NUDT5: variants seen among roughly 807,000 people sequenced by gnomAD.
NUDT5 encodes the protein nudix hydrolase 5, also known as ADP-sugar pyrophosphatase.
NUDT5 carries 21 observed loss-of-function variants against 34.1 expected under a neutral mutation model. That is an observed-to-expected ratio of 0.62 (90% CI 0.44 to 0.89). The LOEUF is 0.89. NUDT5 is among the 40% of genes least tolerant of loss of function. NUDT5 has a pLI of 0.00. For synonymous variants in NUDT5, 85 were observed against 97.6 expected (o/e 0.87, Z 0.76); for missense variants, 249 against 274.8 (o/e 0.91, Z 0.66).
Position 12,169,474 on chromosome 10 carries a change from G to A in NUDT5, c.550+1243C>T. 6.8e-6 allele frequency: 4 copies of A among 590,824 alleles called. No individual in the cohort carries two copies. The highest frequency in any genetic ancestry group is 3.6e-4 in the Middle Eastern group (1 of 2,746). 36.6% of individuals were successfully genotyped at this position (590,824 alleles called of 1,614,324 possible). ...CTGTTTGATGTGATAGCTAATTATG[G>A]TCCGCGGAGCCTCAAACCGAGTCGG... On this transcript the variant is annotated intron_variant, in intron 9 of 9. Coordinates refer to ENST00000491614, the MANE Select transcript of NUDT5 (RefSeq NM_014142.4). This position sits in a 1 kb window ranked among gnomAD's most constrained non-coding sequence, Gnocchi z 4.8.
Position 12,181,344 on chromosome 10 carries a change from T to A in NUDT5, c.132-2212A>T, listed in dbSNP as rs966641255. Reference sequence around the variant, plus strand: ...TGTGGATTTTGGTATCTGCAGGGGGTCCTGGAACCAACCCCGACAGACACC... The same window carrying A: ...TGTGGATTTTGGTATCTGCAGGGGGACCTGGAACCAACCCCGACAGACACC... On this transcript the variant is annotated intron_variant, in intron 3 of 9. Transcript: ENST00000491614. The surrounding 1 kb of genome is among the most constrained non-coding windows in gnomAD (Gnocchi z 5.0). Among the ~76,000 whole-genome samples, 2 of 151,948 alleles carry A rather than the reference T, an allele frequency of 1.3e-5. No homozygotes were observed. Among genetic ancestry groups the A allele is most frequent in the South Asian group, 2.1e-4 (1 of 4,818 alleles).
At position 12,170,596 on chromosome 10, in the gene NUDT5, A is replaced by C. The variant is rs1033888075; in HGVS notation, c.550+121T>G. The C allele has an allele frequency of 3.8e-5, 36 of 945,014 alleles. No individual in the cohort carries two copies. Among genetic ancestry groups the C allele is most frequent in the Non-Finnish European group, 6.0e-5 (35 of 586,140 alleles). The allele number at this position is 945,014 out of a possible 1,614,324, so 58.5% of individuals were successfully genotyped here. On this transcript the variant is annotated intron_variant, in intron 9 of 9. Transcript: ENST00000491614. This position sits in a 1 kb window ranked among gnomAD's most constrained non-coding sequence, Gnocchi z 4.9. ...GTCACCTGCAGTTTTACAAGTTGCT[A>C]GGCATTTGACTTTAGTGATACAAAA...
At position 12,181,404 on chromosome 10, in the gene NUDT5, C is replaced by G. The variant is rs757968458; in HGVS notation, c.132-2272G>C. ...CTGTACAGGTTGAGTATTCCTTACCCGAAACGAGGGGCCGGAAGTGTTTCA... is the reference window on the plus strand; with the variant it reads ...CTGTACAGGTTGAGTATTCCTTACCGGAAACGAGGGGCCGGAAGTGTTTCA... On this transcript the variant is annotated intron_variant, in intron 3 of 9. Coordinates refer to ENST00000491614, the MANE Select transcript of NUDT5 (RefSeq NM_014142.4). This position sits in a 1 kb window ranked among gnomAD's most constrained non-coding sequence, Gnocchi z 5.0. Among the ~76,000 whole-genome samples the G allele has an allele frequency of 6.6e-6, 1 of 152,144 alleles. No individual in the cohort carries two copies. Among genetic ancestry groups the G allele is most frequent in the African/African-American group, 2.4e-5 (1 of 41,422 alleles).
rs1429650170 is a variant in NUDT5, at chr10:12,171,138, T to TA, written c.488-231dup. Among the ~76,000 whole-genome samples the TA allele has an allele frequency of 6.6e-6, 1 of 152,226 alleles. No individual in the cohort carries two copies. Among genetic ancestry groups the TA allele is most frequent in the African/African-American group, 2.4e-5 (1 of 41,460 alleles). The stretch of plus-strand genomic sequence containing the variant: ...TCGATAGTATGTATATTTTTATAGA[T>TA]ATGAATCTGCGTATTATGTAAAATA... On this transcript the variant is annotated intron_variant, in intron 7 of 9. Coordinates refer to ENST00000491614, the MANE Select transcript of NUDT5 (RefSeq NM_014142.4). This position sits in a 1 kb window ranked among gnomAD's most constrained non-coding sequence, Gnocchi z 4.2.
In NUDT5 at chr10:12,175,799, T is replaced by C. The variant is rs903853114; in HGVS notation, c.290-1986A>G. On this transcript the variant is annotated intron_variant, in intron 5 of 9. Coordinates refer to ENST00000491614, the MANE Select transcript of NUDT5 (RefSeq NM_014142.4). This position sits in a 1 kb window ranked among gnomAD's most constrained non-coding sequence, Gnocchi z 4.8. ...AAATACAAAAAATGAGGTGGGAGGA[T>C]CACCTCAGCCTGGGGAGGTTGAGGC... Among the ~76,000 whole-genome samples the C allele has an allele frequency of 6.6e-6, 1 of 151,166 alleles. No individual in the cohort carries two copies.
At chr10:12,195,125 A>G (rs1161826200) in intron 1 of NUDT5, among the ~76,000 whole-genome samples, 1 of 152,220 alleles carries the variant, frequency 6.6e-6, no homozygotes, top group Non-Finnish European at 1.5e-5. Context: ...GCGCCACTGC[A>G]CTCCAATCTG....
chr10:12,189,372 C>T (rs1835184248), intron 1 of NUDT5, among the ~76,000 whole-genome samples: 1 of 152,174 alleles, frequency 6.6e-6, no homozygotes, highest in South Asian at 2.1e-4. Flanking sequence ...TCCCAAAGTG[C>T]TGGGATTACA....
rs968713879 is a variant in NUDT5 at position 12,175,487 on chromosome 10, A to T, written c.290-1674T>A. 3.9e-5 allele frequency among the ~76,000 whole-genome samples: 6 copies of T among 151,970 alleles called. No homozygotes were observed. Among genetic ancestry groups the T allele is most frequent in the Non-Finnish European group, 5.9e-5 (4 of 67,996 alleles). On this transcript the variant is annotated intron_variant, in intron 5 of 9. Transcript: ENST00000491614. The surrounding 1 kb of genome is among the most constrained non-coding windows in gnomAD (Gnocchi z 4.8). ...AAAGCAAAACCCCATCTCTACAAAA[A>T]ATTTAAAAATCGAATGCGGTGATGC...
chr10:12,184,430 T>C (rs1835092515), intron 3 of NUDT5: 7 of 1,442,478 alleles, frequency 4.9e-6, no homozygotes, highest in Non-Finnish European at 6.6e-6. Flanking sequence ...CTGACACATA[T>C]TATGAAATAG....
intron 1 of NUDT5, among the ~76,000 whole-genome samples, chr10:12,188,609 T>A (rs1019267833): frequency 1.3e-4 from 19 of 151,826 alleles, no homozygotes; most frequent in African/African-American, 4.6e-4. Context: ...GGTGCGCCTG[T>A]AGCCCCAACT....
intron 3 of NUDT5, among the ~76,000 whole-genome samples, chr10:12,180,701 G>A (rs566286528): frequency 2.6e-5 from 4 of 152,150 alleles, no homozygotes; most frequent in Admixed American, 6.5e-5. Context: ...CTACTTGCCC[G>A]CCAGCTAAGC....
chr10:12,189,209 G>A (rs143071260), intron 1 of NUDT5, among the ~76,000 whole-genome samples: 4,026 of 152,106 alleles, frequency 0.026, 175 homozygotes, highest in African/African-American at 0.091. Context: ...GGATTCAAGC[G>A]ATTCTCCTGC....
rs1248120033 is a variant in NUDT5 at position 12,173,981 on chromosome 10, T to C, written c.290-168A>G. On this transcript the variant is annotated intron_variant, in intron 5 of 9. Coordinates refer to ENST00000491614, the MANE Select transcript of NUDT5 (RefSeq NM_014142.4). This position sits in a 1 kb window ranked among gnomAD's most constrained non-coding sequence, Gnocchi z 4.7. ...CGTCCAGGTTTAAGCAATTCTCTGC[T>C]TCAGCCTCCAGAGTAGCTGGGATTA... Among the ~76,000 whole-genome samples the C allele has an allele frequency of 6.6e-6, 1 of 151,656 alleles. No homozygotes were observed. Among genetic ancestry groups the C allele is most frequent in the African/African-American group, 2.4e-5 (1 of 41,266 alleles).
intron 5 of NUDT5, 34 bp downstream of exon 5, chr10:12,177,759 T>C (rs774254119): frequency 1.4e-6 from 2 of 1,475,250 alleles, no homozygotes; most frequent in Admixed American, 3.3e-5. Flanking sequence ...CAGGCCAACA[T>C]CCCTAAGAAG....
intron 1 of NUDT5, among the ~76,000 whole-genome samples, chr10:12,193,181 T>C (rs1167925528): frequency 6.6e-6 from 1 of 152,168 alleles, no homozygotes; most frequent in Non-Finnish European, 1.5e-5. Flanking sequence ...ATGACAGGTC[T>C]GGAGTAGAGT....
chr10:12,178,543 G>T (rs1208106687), intron 4 of NUDT5, among the ~76,000 whole-genome samples: 2 of 152,192 alleles, frequency 1.3e-5, no homozygotes, highest in African/African-American at 4.8e-5. Context: ...AAACTAAATG[G>T]AAAAATAAGA....
Position 12,187,961 on chromosome 10 carries a change from T to G in NUDT5, c.-41-1629A>C, listed in dbSNP as rs2131716070. Among the ~76,000 whole-genome samples the G allele has an allele frequency of 6.6e-6, 1 of 152,192 alleles. No individual in the cohort carries two copies. Among genetic ancestry groups the G allele is most frequent in the South Asian group, 2.1e-4 (1 of 4,818 alleles). ...CAGCCTGGGTAACATGGCAAAACCC[T>G]GTCTCCACAAAAATAAAAAATAAAA... is the stretch of plus-strand genomic sequence containing the variant. On this transcript the variant is annotated intron_variant, in intron 1 of 9. Transcript: ENST00000491614. This position sits in a 1 kb window ranked among gnomAD's most constrained non-coding sequence, Gnocchi z 5.4.
At chr10:12,193,163 G>C (rs1835265147) in intron 1 of NUDT5, among the ~76,000 whole-genome samples, 1 of 152,184 alleles carries the variant, frequency 6.6e-6, no homozygotes. Context: ...AGATAGTCCA[G>C]GCAGGAGATG....
chr10:12,167,626 C>T lies in NUDT5; in HGVS notation c.*76G>A, dbSNP rs1834735427. ...AAGCTAATGGCAAATCTACATTAAA[C>T]TAAGTTGAATACAAAGTCTTAGTGA... is the stretch of plus-strand genomic sequence containing the variant. On this transcript the variant is annotated 3_prime_UTR_variant, in exon 10 of 10. Coordinates refer to ENST00000491614, the MANE Select transcript of NUDT5 (RefSeq NM_014142.4). The T allele has an allele frequency of 1.4e-6, 2 of 1,391,742 alleles. No homozygotes were observed. Among genetic ancestry groups the T allele is most frequent in the Non-Finnish European group, 2.0e-6 (2 of 990,496 alleles). 86.2% of individuals were successfully genotyped at this position (1,391,742 alleles called of 1,614,324 possible).
Sources: gnomAD v4.1 joint callset for allele counts (sites outside exome capture counted in the v4.1 genomes callset) on GRCh38, gnomAD v4.1.1 for gene constraint, Gnocchi (gnomAD v3.1) non-coding constraint, MANE v1.5 for transcripts, NCBI Gene and HGNC (gene_info 2026-07-23, HGNC 2026-07-21) for gene names.